Variants in ACTN4 observed in about 807,000 individuals in gnomAD.
ACTN4 encodes the protein alpha-actinin-4.
A neutral mutation model predicts 114.2 loss-of-function variants in ACTN4; 18 were observed. The observed-to-expected ratio is 0.16, with a 90% CI of 0.11 to 0.23. The LOEUF (loss-of-function observed/expected upper bound fraction) is 0.23. ACTN4 is among the 10% of genes least tolerant of loss of function. The probability of loss-of-function intolerance (pLI) is 1.00; values close to 1 mark genes in which losing one functional copy is unlikely to be tolerated. For synonymous variants in ACTN4, 515 were observed against 506.3 expected (o/e 1.02, Z -0.23); for missense variants, 722 against 1,262.9 (o/e 0.57, Z 6.49).
intron 1 of ACTN4, among the ~76,000 whole-genome samples, chr19:38,667,360 A>G (rs1192473824): frequency 6.6e-6 from 1 of 152,126 alleles, no homozygotes; most frequent in Middle Eastern, 3.2e-3. Context: ...GTGTGTGTTT[A>G]GCAGTCTCTA....
intron 1 of ACTN4, among the ~76,000 whole-genome samples, chr19:38,667,091 A>T (rs75100040): frequency 0.014 from 2,150 of 152,302 alleles, 58 homozygotes; most frequent in African/African-American, 0.048. Flanking sequence ...TTGTTTTCCT[A>T]AAAGGGGAAA....
rs889662691 is a variant in ACTN4 at position 38,731,415 on chromosome 19, C to G, written c.*1983C>G. The G allele has an allele frequency of 6.5e-6, 4 of 616,444 alleles. No homozygotes were observed. The highest frequency in any genetic ancestry group is 2.5e-5 in the Admixed American group (1 of 40,372). 38.2% of individuals were successfully genotyped at this position (616,444 alleles called of 1,614,324 possible). On this transcript the variant is annotated 3_prime_UTR_variant, in exon 21 of 21. Coordinates refer to ENST00000252699, the MANE Select transcript of ACTN4 (RefSeq NM_004924.6). ...CCTGTTTCCTCATCCATCAAACGGA[C>G]TAAGACAGCCCCGACCCCATAGGGT...
At chr19:38,680,476 G>T (rs1003079200) in intron 1 of ACTN4, among the ~76,000 whole-genome samples, 4 of 152,054 alleles carry the variant, frequency 2.6e-5, no homozygotes, top group Non-Finnish European at 4.4e-5. Flanking sequence ...GAGCCACTGC[G>T]CCCGGCCTCA....
chr19:38,666,377 G>A (rs937669152), intron 1 of ACTN4, among the ~76,000 whole-genome samples: 2 of 152,208 alleles, frequency 1.3e-5, no homozygotes, highest in Non-Finnish European at 2.9e-5. Context: ...GGGGTGGGGC[G>A]GTGCAGCCTT....
At chr19:38,666,132 G>A (rs1038755682) in intron 1 of ACTN4, among the ~76,000 whole-genome samples, 3 of 152,036 alleles carry the variant, frequency 2.0e-5, no homozygotes, top group Admixed American at 6.6e-5. Flanking sequence ...TGCTTCTCAC[G>A]CCTGCTGCTC....
rs1278254025 is a variant in ACTN4 at position 38,673,626 on chromosome 19, T to G, written c.162+25719T>G. The stretch of plus-strand genomic sequence containing the variant: ...ATATATTCATTTATATTTATATATA[T>G]TCATATATATTTATATATATTTATA... On this transcript the variant is annotated intron_variant, in intron 1 of 20. Coordinates refer to ENST00000252699, the MANE Select transcript of ACTN4 (RefSeq NM_004924.6). Among the ~76,000 whole-genome samples, 4 of 67,112 alleles carry G rather than the reference T, an allele frequency of 6.0e-5. 1 individual carries two copies. Among genetic ancestry groups the G allele is most frequent in the African/African-American group, 1.9e-4 (4 of 21,402 alleles). The allele number at this position is 67,112 out of a possible 152,430, so 44.0% of individuals were successfully genotyped here.
At position 38,664,056 on chromosome 19, in the gene ACTN4, C is replaced by A. The variant is rs148567392; in HGVS notation, c.162+16149C>A. On this transcript the variant is annotated intron_variant, in intron 1 of 20. Transcript: ENST00000252699. ...CCCAGATGACCACGCGCAGCCGGAA[C>A]GGCCGCCCTGTATTGAGAAGTGGGA... 4.6e-5 allele frequency among the ~76,000 whole-genome samples: 7 copies of A among 152,350 alleles called. No individual in the cohort carries two copies. In the East Asian group the frequency reaches 1.4e-3, roughly 29 times the overall value.
At chr19:38,707,235 T>C (rs1332587563) in intron 5 of ACTN4, among the ~76,000 whole-genome samples, 3 of 151,928 alleles carry the variant, frequency 2.0e-5, no homozygotes, top group South Asian at 2.1e-4. Flanking sequence ...ATAGTTTCCA[T>C]TCATTTTCTT....
At chr19:38,682,057 C>T (rs1427148390) in intron 1 of ACTN4, among the ~76,000 whole-genome samples, 1 of 152,184 alleles carries the variant, frequency 6.6e-6, no homozygotes, top group Non-Finnish European at 1.5e-5. Flanking sequence ...TATCAAGCTC[C>T]TGGCCTCAAG....
At chr19:38,705,579 G>A (rs1308406765) in intron 4 of ACTN4, among the ~76,000 whole-genome samples, 2 of 152,206 alleles carry the variant, frequency 1.3e-5, no homozygotes, top group South Asian at 2.1e-4. Context: ...AAGGGCTCCC[G>A]GTCTGTGAGG....
chr19:38,703,759 G>T (rs575675032), intron 3 of ACTN4, among the ~76,000 whole-genome samples: 1 of 152,098 alleles, frequency 6.6e-6, no homozygotes, highest in Non-Finnish European at 1.5e-5. Flanking sequence ...TGATGCCTTG[G>T]GGCAGCACAG....
intron 3 of ACTN4, among the ~76,000 whole-genome samples, chr19:38,702,814 G>C (rs978019374): frequency 6.6e-6 from 1 of 152,156 alleles, no homozygotes; most frequent in Non-Finnish European, 1.5e-5. Flanking sequence ...GTGTGTCCCC[G>C]GGGGAAGGTG....
In ACTN4 at chr19:38,730,424, C is replaced by CA. The variant is rs1969490946; in HGVS notation, c.*992_*993insA. 1 of 183,596 alleles carries CA rather than the reference C, an allele frequency of 5.4e-6. No homozygotes were observed. Among genetic ancestry groups the CA allele is most frequent in the Non-Finnish European group, 1.2e-5 (1 of 86,086 alleles). 11.4% of individuals were successfully genotyped at this position (183,596 alleles called of 1,614,324 possible). A position where few individuals can be genotyped will look rare whatever the true frequency, so the allele number is the denominator to read the frequency against. On this transcript the variant is annotated 3_prime_UTR_variant, in exon 21 of 21. Coordinates refer to ENST00000252699, the MANE Select transcript of ACTN4 (RefSeq NM_004924.6). ...GCCTGGTGGTTGATGGTTTTGCTCCCCCTACCTTTTTTTTTTGAGTTTATT... is the reference window on the plus strand; with the variant it reads ...GCCTGGTGGTTGATGGTTTTGCTCCCACCTACCTTTTTTTTTTGAGTTTATT...
chr19:38,690,421 C>G (rs548735592), intron 1 of ACTN4, among the ~76,000 whole-genome samples: 1 of 152,214 alleles, frequency 6.6e-6, no homozygotes, highest in South Asian at 2.1e-4. Context: ...GCTCAGTGCT[C>G]GAGTTTGTCC....
chr19:38,664,656 T>A (rs1456952332), intron 1 of ACTN4, among the ~76,000 whole-genome samples: 1 of 152,110 alleles, frequency 6.6e-6, no homozygotes, highest in Non-Finnish European at 1.5e-5. Flanking sequence ...CCCTGCAGCC[T>A]GGGCACGGGA....
In ACTN4 at chr19:38,731,357, G is replaced by A; in HGVS notation, c.*1925G>A. The A allele has an allele frequency of 2.9e-6, 2 of 694,416 alleles. No individual in the cohort carries two copies. The highest frequency in any genetic ancestry group is 2.7e-5 in the East Asian group (1 of 37,716). The allele number at this position is 694,416 out of a possible 1,614,324, so 43.0% of individuals were successfully genotyped here. ...CCCAACTCTGCCCCATCCCGGCAGGGTGAGTACAGGCTGATCCCTTCAATC... is the reference window on the plus strand; with the variant it reads ...CCCAACTCTGCCCCATCCCGGCAGGATGAGTACAGGCTGATCCCTTCAATC... On this transcript the variant is annotated 3_prime_UTR_variant, in exon 21 of 21. Coordinates refer to ENST00000252699, the MANE Select transcript of ACTN4 (RefSeq NM_004924.6).
chr19:38,705,935 C>T (rs1968445252), intron 4 of ACTN4, 109 bp from the exon 5 acceptor site: 1 of 1,052,440 alleles, frequency 9.5e-7, no homozygotes. Context: ...ATCCTCTCCC[C>T]TTGGGTTTCG....
At chr19:38,655,865 A>C (rs917888894) in intron 1 of ACTN4, among the ~76,000 whole-genome samples, 1 of 152,190 alleles carries the variant, frequency 6.6e-6, no homozygotes. Context: ...AATCATCTCT[A>C]GATTACTTAT....
rs148908950 is a variant in ACTN4 at position 38,730,168 on chromosome 19, A to AAAAG, written c.*743_*746dup. 1 of 156,166 alleles carries AAAAG rather than the reference A, an allele frequency of 6.4e-6. No homozygotes were observed. The highest frequency in any genetic ancestry group is 1.4e-5 in the Non-Finnish European group (1 of 70,416). The allele number at this position is 156,166 out of a possible 1,614,324, so 9.7% of individuals were successfully genotyped here. On this transcript the variant is annotated 3_prime_UTR_variant, in exon 21 of 21. Transcript: ENST00000252699. ...AATCACAAAAACAAAAAAACTATAA[A>AAAAG]AAAGAAAGAATTAAAAACTTTCAGA...
Sources: allele counts gnomAD v4.1 joint callset (sites outside exome capture counted in the v4.1 genomes callset), GRCh38; gene constraint gnomAD v4.1.1; transcripts MANE v1.5; gene names NCBI Gene and HGNC (gene_info 2026-07-23, HGNC 2026-07-21).